The following PALM2AKAP2 variants were observed in gnomAD, a reference collection of about 807,000 sequenced individuals.
PALM2AKAP2 encodes the protein PALM2 and AKAP2 fusion.
A neutral mutation model predicts 71.5 loss-of-function variants in PALM2AKAP2; 37 were observed. That is an observed-to-expected ratio of 0.52 (90% CI 0.40 to 0.68). PALM2AKAP2 has a LOEUF of 0.68. Ranked by LOEUF, PALM2AKAP2 falls within the 30% of genes least tolerant of loss-of-function variation. PALM2AKAP2 has a pLI of 0.00. For missense variants in PALM2AKAP2, 1,224 were observed against 1,191.8 expected (o/e 1.03, Z -0.40); for synonymous variants, 468 against 478.8 (o/e 0.98, Z 0.29).
At chr9:109,969,042 A>T (rs1214812625) in intron 6 of PALM2AKAP2, among the ~76,000 whole-genome samples, 1 of 151,450 alleles carries the variant, frequency 6.6e-6, no homozygotes, top group African/African-American at 2.4e-5. Context: ...AAAATGCAAG[A>T]CCCTCTGATC....
upstream of PALM2AKAP2, chr9:109,780,356 C>T: frequency 6.4e-7 from 1 of 1,565,504 alleles, no homozygotes; most frequent in Non-Finnish European, 8.7e-7. Flanking sequence ...GCCCCTGGAG[C>T]GGATCCCCAG....
chr9:109,683,689 G>T (rs752670919), intron 1 of PALM2AKAP2, among the ~76,000 whole-genome samples: 1 of 152,126 alleles, frequency 6.6e-6, no homozygotes, highest in Non-Finnish European at 1.5e-5. Flanking sequence ...GGGCACTGTA[G>T]AGGCCACGTG....
At chr9:110,023,309 T>TC in intron 7 of PALM2AKAP2, among the ~76,000 whole-genome samples, 1 of 43,752 alleles carries the variant, frequency 2.3e-5, no homozygotes, top group African/African-American at 7.7e-5. Flanking sequence ...TGGTTTCTTT[T>TC]TTTTTTTTTT....
intron 1 of PALM2AKAP2, among the ~76,000 whole-genome samples, chr9:109,838,460 TA>T (rs1828549058): frequency 1.3e-5 from 2 of 151,986 alleles, no homozygotes; most frequent in African/African-American, 2.4e-5. Context: ...ACATCACAAT[TA>T]AAAGAACTAG....
intron 6 of PALM2AKAP2, among the ~76,000 whole-genome samples, chr9:109,936,836 G>A (rs1287841199): frequency 6.6e-6 from 1 of 152,172 alleles, no homozygotes; most frequent in African/African-American, 2.4e-5. Flanking sequence ...ACTAATGACA[G>A]CGGAACATGT....
At chr9:110,091,849 A>G (rs1834723438) in intron 1 of PALM2AKAP2, among the ~76,000 whole-genome samples, 1 of 152,198 alleles carries the variant, frequency 6.6e-6, no homozygotes, top group Non-Finnish European at 1.5e-5. Flanking sequence ...CTTACAGTTG[A>G]GGAAACATCA....
intron 2 of PALM2AKAP2, among the ~76,000 whole-genome samples, chr9:109,873,188 C>T (rs539052619): frequency 7.2e-5 from 11 of 152,258 alleles, no homozygotes; most frequent in African/African-American, 2.2e-4. Context: ...TTAGGCCAGG[C>T]GCAGTGGCTC....
chr9:109,766,311 A>T (rs948039895), intron 1 of PALM2AKAP2, among the ~76,000 whole-genome samples: 1 of 152,248 alleles, frequency 6.6e-6, no homozygotes, highest in African/African-American at 2.4e-5. Context: ...TTTTCCAAAC[A>T]TCATTAAATG....
intron 1 of PALM2AKAP2, among the ~76,000 whole-genome samples, chr9:110,054,730 G>A (rs1332769453): frequency 1.3e-5 from 2 of 152,010 alleles, no homozygotes; most frequent in African/African-American, 2.4e-5. Context: ...ATGCCACCAT[G>A]CCTGGCTGTT....
chr9:110,096,354 C>G (rs1834835773), intron 1 of PALM2AKAP2, among the ~76,000 whole-genome samples: 1 of 152,080 alleles, frequency 6.6e-6, no homozygotes, highest in Non-Finnish European at 1.5e-5. Flanking sequence ...GCTTCAACCT[C>G]CTGGGCTCAA....
At chr9:109,787,294 C>T (rs1224845850) in intron 1 of PALM2AKAP2, among the ~76,000 whole-genome samples, 1 of 152,206 alleles carries the variant, frequency 6.6e-6, no homozygotes, top group Non-Finnish European at 1.5e-5. Context: ...AGACAGCATG[C>T]ATTAAGCACT....
At chr9:110,065,920 T>G (rs1834069672) in intron 1 of PALM2AKAP2, among the ~76,000 whole-genome samples, 1 of 152,228 alleles carries the variant, frequency 6.6e-6, no homozygotes, top group African/African-American at 2.4e-5. Context: ...TGTCCCATTG[T>G]GTTTATATGC....
intron 1 of PALM2AKAP2, among the ~76,000 whole-genome samples, chr9:109,675,763 T>G (rs1233696934): frequency 6.6e-6 from 1 of 152,190 alleles, no homozygotes; most frequent in African/African-American, 2.4e-5. Context: ...CAGACTTTTC[T>G]TAGTCCATAC....
intron 1 of PALM2AKAP2, among the ~76,000 whole-genome samples, chr9:109,655,620 C>G (rs1827293110): frequency 1.3e-5 from 2 of 152,142 alleles, no homozygotes; most frequent in Admixed American, 6.6e-5. Flanking sequence ...CCCCTACCCC[C>G]CATTCTACTT....
chr9:109,881,780 C>A (rs1364512308), intron 3 of PALM2AKAP2, among the ~76,000 whole-genome samples: 1 of 151,310 alleles, frequency 6.6e-6, no homozygotes, highest in Admixed American at 6.6e-5. Context: ...GCATAGATGC[C>A]TTAGAACCAA....
At chr9:109,893,436 G>A (rs930360820) in intron 3 of PALM2AKAP2, among the ~76,000 whole-genome samples, 9 of 116,508 alleles carry the variant, frequency 7.7e-5, no homozygotes, top group African/African-American at 2.7e-4. Context: ...ATCTCAGCAG[G>A]GGTTTCGTTT....
chr9:109,755,289 T>C, intron 1 of PALM2AKAP2, among the ~76,000 whole-genome samples: 1 of 152,128 alleles, frequency 6.6e-6, no homozygotes. Context: ...TCTTTATAAC[T>C]GGTCCTGCCA....
rs191030300 is a variant in PALM2AKAP2, at chr9:110,109,331, A to C, written c.157-26796A>C. On this transcript the variant is annotated intron_variant, in intron 1 of 3. Coordinates refer to ENST00000374525, the Ensembl canonical transcript of PALM2AKAP2. ...AATCTTTGTCTCCAAAAAAAAAAAA[A>C]AAAAACCAGAAAGAAAGAAACATTT... Among the ~76,000 whole-genome samples, 742 of 144,370 alleles carry C rather than the reference A, an allele frequency of 5.1e-3. 7 individuals are homozygous for C. Among genetic ancestry groups the C allele is most frequent in the Admixed American group, 0.011 (165 of 14,396 alleles). The allele number at this position is 144,370 out of a possible 152,430, so 94.7% of individuals were successfully genotyped here.
intron 1 of PALM2AKAP2, chr9:110,048,979 T>G: frequency 4.8e-6 from 6 of 1,261,482 alleles, no homozygotes; most frequent in Non-Finnish European, 6.3e-6. Flanking sequence ...ACCGCGGGCT[T>G]TTAAAGGGCT....
Sources: gnomAD v4.1 joint callset for allele counts (sites outside exome capture counted in the v4.1 genomes callset) on GRCh38, gnomAD v4.1.1 for gene constraint, MANE v1.5 for transcripts, NCBI Gene and HGNC (gene_info 2026-07-23, HGNC 2026-07-21) for gene names.